The following CPNE4 variants were observed in gnomAD, a reference collection of about 807,000 sequenced individuals.
CPNE4 encodes the protein copine 4.
Under a neutral mutation model 67.9 loss-of-function variants are expected in CPNE4, and 25 were observed. The ratio of observed to expected loss-of-function variants is 0.37; its 90% CI spans 0.27 to 0.51. The LOEUF is 0.51. Ranked by LOEUF, CPNE4 falls within the 20% of genes least tolerant of loss-of-function variation. The pLI is 0.93. For synonymous variants in CPNE4, 242 were observed against 244.9 expected, an observed-to-expected ratio of 0.99 and a Z score of 0.11; for missense variants, 464 against 690.8, an observed-to-expected ratio of 0.67 and a Z score of 3.68.
rs139089963 is a variant in CPNE4, at chr3:131,902,738, C to T, written c.180+2526G>A. Among the ~76,000 whole-genome samples, 308 of 152,078 alleles carry T rather than the reference C, an allele frequency of 2.0e-3. 1 individual carries two copies. The highest frequency in any genetic ancestry group is 7.0e-3 in the African/African-American group (289 of 41,512). ...ACAAATAATAGTTGAATTATGTTAA[C>T]GGGTTAGAAGTAGATGGATTTCTTG... On this transcript the variant is annotated intron_variant, in intron 2 of 15. Coordinates refer to ENST00000429747, the MANE Select transcript of CPNE4 (RefSeq NM_130808.3).
intron 7 of CPNE4, among the ~76,000 whole-genome samples, chr3:131,617,666 CT>C (rs1161229757): frequency 6.6e-6 from 1 of 152,144 alleles, no homozygotes; most frequent in Non-Finnish European, 1.5e-5. Flanking sequence ...AGGACAAAGT[CT>C]TTTTTGTATC....
At chr3:131,560,194 A>G (rs911337499) in intron 11 of CPNE4, among the ~76,000 whole-genome samples, 1 of 152,040 alleles carries the variant, frequency 6.6e-6, no homozygotes, top group Non-Finnish European at 1.5e-5. Context: ...CTTTATATCT[A>G]ATCCTTATAA....
chr3:131,766,299 A>AGTATCGGGCACATAGCAG (rs2083013270), intron 2 of CPNE4, among the ~76,000 whole-genome samples: 1 of 5,042 alleles, frequency 2.0e-4, no homozygotes, highest in Non-Finnish European at 1.4e-3. Flanking sequence ...GTGTTTTACA[A>AGTATCGGGCACATAGCAG]GTACTCAAGA....
chr3:131,691,256 A>G (rs2081027282), intron 5 of CPNE4, among the ~76,000 whole-genome samples: 1 of 152,324 alleles, frequency 6.6e-6, no homozygotes, highest in East Asian at 1.9e-4. Flanking sequence ...ATGCACTTGT[A>G]TGTTCATCAA....
intron 1 of CPNE4, among the ~76,000 whole-genome samples, chr3:131,993,471 G>GTAAAAAA (rs1442097686): frequency 1.6e-4 from 1 of 6,418 alleles, no homozygotes; most frequent in Non-Finnish European, 3.6e-4. Context: ...TGCAGGAGTG[G>GTAAAAAA]CAAAAAAAAA....
intron 2 of CPNE4, among the ~76,000 whole-genome samples, chr3:131,901,608 C>A (rs1488757266): frequency 6.6e-6 from 1 of 151,972 alleles, no homozygotes; most frequent in Non-Finnish European, 1.5e-5. Flanking sequence ...CTTTGGGAGG[C>A]TGAGGCAGGT....
chr3:131,948,842 A>G (rs2071636639), intron 1 of CPNE4, among the ~76,000 whole-genome samples: 1 of 152,202 alleles, frequency 6.6e-6, no homozygotes, highest in Admixed American at 6.5e-5. Context: ...AGAGAGACTT[A>G]ATATAAAATT....
chr3:132,024,521 C>G (rs1303620603), intron 1 of CPNE4, among the ~76,000 whole-genome samples: 1 of 152,212 alleles, frequency 6.6e-6, no homozygotes, highest in Non-Finnish European at 1.5e-5. Context: ...CTGTCTCCCA[C>G]TTGCTGTGTA....
At chr3:131,768,958 G>A (rs758367892) in intron 2 of CPNE4, among the ~76,000 whole-genome samples, 14 of 152,170 alleles carry the variant, frequency 9.2e-5, no homozygotes, top group Non-Finnish European at 1.5e-4. Flanking sequence ...TGAGAACTAG[G>A]CAGAGCCAAT....
intron 1 of CPNE4, among the ~76,000 whole-genome samples, chr3:131,971,430 C>T (rs1036589318): frequency 6.6e-6 from 1 of 152,114 alleles, no homozygotes; most frequent in Non-Finnish European, 1.5e-5. Flanking sequence ...TTTTTTATAC[C>T]ATAGAACCAC....
intron 2 of CPNE4, among the ~76,000 whole-genome samples, chr3:131,890,485 C>A (rs933288044): frequency 7.3e-5 from 11 of 150,824 alleles, no homozygotes; most frequent in Non-Finnish European, 1.5e-4. Flanking sequence ...AACCCTTATA[C>A]ACTGTTGGTG....
chr3:131,742,052 G>T (rs1360242433), intron 2 of CPNE4, among the ~76,000 whole-genome samples: 1 of 152,150 alleles, frequency 6.6e-6, no homozygotes, highest in Non-Finnish European at 1.5e-5. Flanking sequence ...GGGGTGTGAT[G>T]GTTAATTTTA....
chr3:131,781,142 G>C (rs77178890), intron 2 of CPNE4, among the ~76,000 whole-genome samples: 1 of 152,090 alleles, frequency 6.6e-6, no homozygotes, highest in Admixed American at 6.5e-5. Flanking sequence ...CAGTAAACCC[G>C]GGTATGGATA....
chr3:132,029,289 C>G (rs993015051), intron 1 of CPNE4, among the ~76,000 whole-genome samples: 1 of 152,190 alleles, frequency 6.6e-6, no homozygotes, highest in Non-Finnish European at 1.5e-5. Context: ...AAGACACCAC[C>G]AGATGCTCAG....
intron 1 of CPNE4, among the ~76,000 whole-genome samples, chr3:131,964,635 T>A (rs1253861443): frequency 2.0e-5 from 3 of 151,158 alleles, no homozygotes; most frequent in African/African-American, 7.3e-5. Context: ...AGATTGAAGA[T>A]CAACTCAATG....
intron 1 of CPNE4, among the ~76,000 whole-genome samples, chr3:131,982,089 C>T (rs1167567028): frequency 6.6e-6 from 1 of 152,208 alleles, no homozygotes; most frequent in African/African-American, 2.4e-5. Flanking sequence ...TGCCTCCCTT[C>T]TGCCATTATG....
intron 7 of CPNE4, among the ~76,000 whole-genome samples, chr3:131,604,679 T>C (rs79274665): frequency 0.13 from 19,995 of 152,066 alleles, 1,863 homozygotes; most frequent in African/African-American, 0.26. Flanking sequence ...GTTTTGGAAC[T>C]CGGACTGGCT....
At chr3:131,826,844 C>T (rs1325446422) in intron 2 of CPNE4, among the ~76,000 whole-genome samples, 1 of 151,992 alleles carries the variant, frequency 6.6e-6, no homozygotes, top group African/African-American at 2.4e-5. Flanking sequence ...CTAACCTGGG[C>T]AATATAGCAA....
chr3:131,817,739 A>G (rs2084799963), intron 2 of CPNE4, among the ~76,000 whole-genome samples: 1 of 152,184 alleles, frequency 6.6e-6, no homozygotes. Context: ...CGAAACATAA[A>G]ATGATGTTAC....
Sources: allele counts gnomAD v4.1 joint callset (sites outside exome capture counted in the v4.1 genomes callset), GRCh38; gene constraint gnomAD v4.1.1; transcripts MANE v1.5; gene names NCBI Gene and HGNC (gene_info 2026-07-23, HGNC 2026-07-21).